The following WDR27 variants were observed in gnomAD, a reference collection of about 807,000 sequenced individuals.
The protein encoded by WDR27 is WD repeat domain 27.
A neutral mutation model predicts 114.4 loss-of-function variants in WDR27; 100 were observed. That is an observed-to-expected ratio of 0.87 (90% CI 0.74 to 1.03). The LOEUF (loss-of-function observed/expected upper bound fraction) is 1.03, where lower values mean the gene tolerates loss of function less well. WDR27 is among the 50% of genes least tolerant of loss of function. The pLI is 0.00. For synonymous variants in WDR27, 449 were observed against 423.1 expected, an observed-to-expected ratio of 1.06 and a Z score of -0.75; for missense variants, 1,129 against 1,092.9, an observed-to-expected ratio of 1.03 and a Z score of -0.47.
intron 2 of WDR27, among the ~76,000 whole-genome samples, chr6:169,686,624 G>C (rs534315528): frequency 2.0e-5 from 3 of 152,160 alleles, no homozygotes; most frequent in African/African-American, 7.2e-5. Flanking sequence ...ACTTACATCA[G>C]ATAAAACAGA....
intron 1 of WDR27, among the ~76,000 whole-genome samples, chr6:169,691,665 T>C (rs981378803): frequency 6.6e-6 from 1 of 152,262 alleles, no homozygotes; most frequent in Non-Finnish European, 1.5e-5. Context: ...TGTTGTAGTA[T>C]AATTATCTTA....
intron 1 of WDR27, among the ~76,000 whole-genome samples, chr6:169,694,800 G>A (rs982735256): frequency 7.2e-5 from 11 of 152,352 alleles, no homozygotes; most frequent in East Asian, 1.9e-4. Flanking sequence ...AAAGATGGGC[G>A]GCAGCACCTG....
At chr6:169,670,282 A>C (rs948881716) in intron 4 of WDR27, 2 of 253,388 alleles carry the variant, frequency 7.9e-6, no homozygotes, top group African/African-American at 4.5e-5. Context: ...ACAATCAGGG[A>C]ATATCTGAGA....
chr6:169,614,738 CAT>C (rs879410261), intron 21 of WDR27, among the ~76,000 whole-genome samples: 5 of 151,418 alleles, frequency 3.3e-5, no homozygotes, highest in Non-Finnish European at 5.9e-5. Context: ...AGCTGTAATA[CAT>C]GTTTTAAAAT....
chr6:169,686,612 A>T (rs558273650), intron 2 of WDR27, among the ~76,000 whole-genome samples: 2 of 152,284 alleles, frequency 1.3e-5, no homozygotes, highest in Admixed American at 1.3e-4. Context: ...AGGAGTAGCT[A>T]TACTTACATC....
At chr6:169,675,725 T>C (rs1779916476) in intron 2 of WDR27, among the ~76,000 whole-genome samples, 1 of 152,164 alleles carries the variant, frequency 6.6e-6, no homozygotes, top group Non-Finnish European at 1.5e-5. Flanking sequence ...GATAGGAATA[T>C]TCAGGTTAAG....
intron 23 of WDR27, among the ~76,000 whole-genome samples, chr6:169,583,204 G>C (rs959185123): frequency 4.7e-5 from 7 of 149,188 alleles, no homozygotes. Context: ...AGTACCCTGT[G>C]AACAGTTTTA....
intron 2 of WDR27, among the ~76,000 whole-genome samples, chr6:169,681,999 G>C (rs920996986): frequency 9.9e-5 from 15 of 152,050 alleles, no homozygotes; most frequent in African/African-American, 3.6e-4. Flanking sequence ...TTGAAATCGG[G>C]GAACTATCTC....
At chr6:169,522,758 A>G (rs1330064228) in intron 25 of WDR27, among the ~76,000 whole-genome samples, 1 of 151,984 alleles carries the variant, frequency 6.6e-6, no homozygotes, top group Non-Finnish European at 1.5e-5. Flanking sequence ...ATTTAAAAAT[A>G]TCTTAAAAAA....
intron 25 of WDR27, among the ~76,000 whole-genome samples, chr6:169,472,362 T>C (rs541237727): frequency 6.6e-6 from 1 of 152,312 alleles, no homozygotes; most frequent in South Asian, 2.1e-4. Flanking sequence ...GTTAACATTT[T>C]AAAATATTTT....
intron 15 of WDR27, among the ~76,000 whole-genome samples, chr6:169,648,388 G>A (rs541153988): frequency 1.3e-5 from 2 of 152,322 alleles, no homozygotes; most frequent in Admixed American, 1.3e-4. Flanking sequence ...ATGCAGAAGA[G>A]CCAGCGTGCT....
At chr6:169,700,548 A>C (rs1400124581) in intron 1 of WDR27, among the ~76,000 whole-genome samples, 1 of 152,164 alleles carries the variant, frequency 6.6e-6, no homozygotes, top group East Asian at 1.9e-4. Flanking sequence ...TTCCCCACCC[A>C]CTGGCTAAAT....
chr6:169,472,229 T>C (rs1786513675), intron 25 of WDR27, among the ~76,000 whole-genome samples: 1 of 152,214 alleles, frequency 6.6e-6, no homozygotes, highest in Non-Finnish European at 1.5e-5. Flanking sequence ...TTAGAGCTTA[T>C]TTCACACAGG....
the WDR27 span, among the ~76,000 whole-genome samples, chr6:169,447,051 G>T: frequency 6.6e-6 from 1 of 152,144 alleles, no homozygotes; most frequent in South Asian, 2.1e-4. Flanking sequence ...AATGCAAAAA[G>T]ATTTCCAATC....
At chr6:169,619,809 GA>G (rs939580323) in intron 21 of WDR27, among the ~76,000 whole-genome samples, 2 of 152,150 alleles carry the variant, frequency 1.3e-5, no homozygotes, top group Non-Finnish European at 2.9e-5. Context: ...AAAGGTGCTA[GA>G]CTCTTAATCT....
intron 25 of WDR27, among the ~76,000 whole-genome samples, chr6:169,519,532 G>T (rs1197673905): frequency 3.9e-5 from 6 of 151,952 alleles, no homozygotes; most frequent in Non-Finnish European, 1.5e-5. Flanking sequence ...GGGTGGGAAG[G>T]TGCCATATAC....
chr6:169,474,328 C>T (rs1174245949), intron 25 of WDR27, among the ~76,000 whole-genome samples: 2 of 152,158 alleles, frequency 1.3e-5, no homozygotes. Flanking sequence ...ATCATCTCTC[C>T]ATGAATTAGA....
At chr6:169,601,614 T>C (rs1298969442) in intron 23 of WDR27, among the ~76,000 whole-genome samples, 2 of 152,190 alleles carry the variant, frequency 1.3e-5, no homozygotes, top group Non-Finnish European at 2.9e-5. Context: ...AGGTGAACGC[T>C]GCAGCTGCAA....
chr6:169,570,862 C>A (rs1801297890), intron 25 of WDR27, among the ~76,000 whole-genome samples: 1 of 152,150 alleles, frequency 6.6e-6, no homozygotes, highest in Non-Finnish European at 1.5e-5. Flanking sequence ...TTTAGGAAAT[C>A]TCTCCTCATA....
Sources: allele counts gnomAD v4.1 joint callset (sites outside exome capture counted in the v4.1 genomes callset), GRCh38; gene constraint gnomAD v4.1.1; transcripts MANE v1.5; gene names NCBI Gene and HGNC (gene_info 2026-07-23, HGNC 2026-07-21).